TRIO: variants seen among roughly 807,000 people sequenced by gnomAD.
TRIO encodes the protein trio Rho guanine nucleotide exchange factor.
Under a neutral mutation model 351.9 loss-of-function variants are expected in TRIO, and 58 were observed. The ratio of observed to expected loss-of-function variants is 0.16; its 90% CI spans 0.13 to 0.21. The LOEUF is 0.21. Among genes scored for constraint, TRIO ranks in the 10% least tolerant of loss-of-function variants. TRIO has a pLI of 1.00. For missense variants in TRIO, 3,201 were observed against 4,027.8 expected (o/e 0.79, Z 5.56); for synonymous variants, 1,758 against 1,595.7 (o/e 1.10, Z -2.42).
At chr5:14,403,075 G>C (rs1309103761) in intron 31 of TRIO, among the ~76,000 whole-genome samples, 2 of 146,008 alleles carry the variant, frequency 1.4e-5, no homozygotes, top group African/African-American at 2.5e-5. Context: ...GCAGGTTGTG[G>C]TGAGGGTACA....
intron 1 of TRIO, chr5:14,183,817 T>G (rs1789940360): frequency 3.2e-6 from 2 of 628,484 alleles, no homozygotes; most frequent in South Asian, 3.3e-5. Flanking sequence ...ATCTAGAGGT[T>G]GTTTGTTGGT....
At chr5:14,347,911 A>G (rs774429504) in intron 11 of TRIO, among the ~76,000 whole-genome samples, 3 of 152,250 alleles carry the variant, frequency 2.0e-5, no homozygotes. Flanking sequence ...TTCATTAATC[A>G]GTTTTAATAT....
intron 44 of TRIO, 39 bp downstream of exon 44, chr5:14,481,323 C>T (rs747795511): frequency 1.2e-6 from 2 of 1,609,076 alleles, no homozygotes; most frequent in African/African-American, 1.3e-5. Flanking sequence ...AAATCCCCAC[C>T]AGCCTCTTTT....
At chr5:14,147,376 T>C (rs985120011) in intron 1 of TRIO, among the ~76,000 whole-genome samples, 1 of 152,188 alleles carries the variant, frequency 6.6e-6, no homozygotes, top group African/African-American at 2.4e-5. Context: ...ATCATTTTTA[T>C]TGCCAATCTA....
At chr5:14,226,799 C>G (rs1176208876) in intron 1 of TRIO, among the ~76,000 whole-genome samples, 1 of 140,556 alleles carries the variant, frequency 7.1e-6, no homozygotes, top group African/African-American at 2.6e-5. Flanking sequence ...GTTTCCATAT[C>G]TTCCCAGGGT....
intron 34 of TRIO, among the ~76,000 whole-genome samples, chr5:14,441,567 A>G (rs899278898): frequency 3.3e-5 from 5 of 152,208 alleles, no homozygotes; most frequent in Admixed American, 2.0e-4. Context: ...GTGAGGAGCA[A>G]CTGGGAACAG....
chr5:14,205,014 C>T (rs1476887932), intron 1 of TRIO, among the ~76,000 whole-genome samples: 2 of 152,228 alleles, frequency 1.3e-5, no homozygotes, highest in African/African-American at 4.8e-5. Context: ...CTTCCAAGCT[C>T]TTTTTCCTGC....
chr5:14,361,362 T>A (rs42407), intron 13 of TRIO, among the ~76,000 whole-genome samples: 1 of 152,144 alleles, frequency 6.6e-6, no homozygotes. Flanking sequence ...TTAGAGCCAG[T>A]GTGCCACAGC....
chr5:14,451,499 C>A (rs1305448797), intron 34 of TRIO, among the ~76,000 whole-genome samples: 2 of 152,210 alleles, frequency 1.3e-5, no homozygotes, highest in African/African-American at 4.8e-5. Flanking sequence ...ATTTATAGAT[C>A]TGATTTTCAC....
At chr5:14,244,825 C>A (rs1173787895) in intron 1 of TRIO, among the ~76,000 whole-genome samples, 1 of 152,060 alleles carries the variant, frequency 6.6e-6, no homozygotes, top group African/African-American at 2.4e-5. Context: ...CAGGCTCATA[C>A]AGGGAGGCTG....
chr5:14,238,072 A>C (rs946447088), intron 1 of TRIO, among the ~76,000 whole-genome samples: 2 of 152,214 alleles, frequency 1.3e-5, no homozygotes, highest in Admixed American at 6.5e-5. Flanking sequence ...AGTGATTATA[A>C]TATTTAGATG....
intron 34 of TRIO, among the ~76,000 whole-genome samples, chr5:14,458,177 A>G (rs1048957733): frequency 1.3e-5 from 2 of 151,832 alleles, no homozygotes. Context: ...TGTCTTGTGC[A>G]GTTGTGAATC....
In TRIO at chr5:14,388,993, C is replaced by G. The variant is rs1215553549; in HGVS notation, c.3949-296C>G. ...AGAGAAATGTGCCTACTAATTATGACTGGCAACTAATACTCAGTGGTATCA... is the reference window on the plus strand; with the variant it reads ...AGAGAAATGTGCCTACTAATTATGAGTGGCAACTAATACTCAGTGGTATCA... On this transcript the variant is annotated intron_variant, in intron 24 of 56. Coordinates refer to ENST00000344204, the MANE Select transcript of TRIO (RefSeq NM_007118.4). 2.0e-5 allele frequency among the ~76,000 whole-genome samples: 3 copies of G among 152,152 alleles called. No individual in the cohort carries two copies. The South Asian group carries it at 6.2e-4, about 32-fold the overall frequency.
Position 14,374,362 on chromosome 5 carries a change from C to G in TRIO, c.3331+19C>G. 6.2e-7 allele frequency: 1 copy of G among 1,603,192 alleles called. No homozygotes were observed. The highest frequency in any genetic ancestry group is 1.7e-4 in the Middle Eastern group (1 of 6,038). ...GTGAAAAGTGAGTAGAGCTGGGAGT[C>G]TCCAGGGGTGGCCCAGTGCATGCCT... On this transcript the variant is annotated intron_variant, in intron 19 of 56. Coordinates refer to ENST00000344204, the MANE Select transcript of TRIO (RefSeq NM_007118.4).
intron 1 of TRIO, among the ~76,000 whole-genome samples, chr5:14,179,842 G>A (rs996271920): frequency 2.6e-5 from 4 of 151,934 alleles, no homozygotes; most frequent in East Asian, 1.9e-4. Context: ...GTGTAATCCC[G>A]GCACTCTGGG....
intron 34 of TRIO, among the ~76,000 whole-genome samples, chr5:14,435,340 C>A (rs1751494770): frequency 6.6e-6 from 1 of 152,196 alleles, no homozygotes; most frequent in South Asian, 2.1e-4. Context: ...AGGGTGCAGA[C>A]TTCCCGAGGC....
At chr5:14,239,591 C>T (rs1436285007) in intron 1 of TRIO, among the ~76,000 whole-genome samples, 1 of 152,198 alleles carries the variant, frequency 6.6e-6, no homozygotes, top group East Asian at 1.9e-4. Context: ...CCCCACTTTA[C>T]AGGTAGGGAT....
intron 7 of TRIO, among the ~76,000 whole-genome samples, chr5:14,302,588 C>T (rs1046305880): frequency 2.6e-5 from 4 of 152,164 alleles, no homozygotes; most frequent in South Asian, 2.1e-4. Context: ...GGCTTCAAGC[C>T]GTAAGGTCTG....
chr5:14,327,888 G>A (rs1476942201), intron 9 of TRIO, among the ~76,000 whole-genome samples: 1 of 152,218 alleles, frequency 6.6e-6, no homozygotes, highest in East Asian at 1.9e-4. Context: ...TTCTTTAGCC[G>A]TGGAATGGAC....
Sources: gnomAD v4.1 joint callset for allele counts (sites outside exome capture counted in the v4.1 genomes callset) on GRCh38, gnomAD v4.1.1 for gene constraint, MANE v1.5 for transcripts, NCBI Gene and HGNC (gene_info 2026-07-23, HGNC 2026-07-21) for gene names.